The following SV2C variants were observed in gnomAD, a reference collection of about 807,000 sequenced individuals.
The protein encoded by SV2C is synaptic vesicle glycoprotein 2C, also known as solute carrier family 22 member B3.
SV2C carries 49 observed loss-of-function variants against 79.7 expected under a neutral mutation model. That is an observed-to-expected ratio of 0.61 (90% confidence interval 0.49 to 0.78). The LOEUF (loss-of-function observed/expected upper bound fraction) is 0.78. Ranked by LOEUF, SV2C falls within the 30% of genes least tolerant of loss-of-function variation. The probability of loss-of-function intolerance (pLI) is 0.00; values close to 1 mark genes in which losing one functional copy is unlikely to be tolerated. For synonymous variants in SV2C, 334 were observed against 333.2 expected (o/e 1.00, Z -0.03); for missense variants, 833 against 912.9 (o/e 0.91, Z 1.13).
chr5:76,069,363 G>C, the SV2C span, among the ~76,000 whole-genome samples: 1 of 152,142 alleles, frequency 6.6e-6, no homozygotes, highest in African/African-American at 2.4e-5. Flanking sequence ...AAGTGCTGGA[G>C]AGTGACCCTT....
chr5:75,943,628 T>C, the SV2C span, among the ~76,000 whole-genome samples: 1 of 152,170 alleles, frequency 6.6e-6, no homozygotes, highest in South Asian at 2.1e-4. Flanking sequence ...TTTTGAAACG[T>C]GAGCAATAAG....
At chr5:76,097,871 A>G (rs1345478155) in intron 1 of SV2C, among the ~76,000 whole-genome samples, 1 of 152,138 alleles carries the variant, frequency 6.6e-6, no homozygotes, top group Non-Finnish European at 1.5e-5. Flanking sequence ...CTCTGGCAGT[A>G]GTTGAGAGAG....
Position 76,328,573 on chromosome 5 carries a change from T to C in SV2C, c.*3026T>C, listed in dbSNP as rs574101133. The C allele has an allele frequency of 1.3e-5, 2 of 152,356 alleles. No homozygotes were observed. Among genetic ancestry groups the C allele is most frequent in the East Asian group, 1.9e-4 (1 of 5,192 alleles). The allele number at this position is 152,356 out of a possible 1,614,324, so 9.4% of individuals were successfully genotyped here. A position where few individuals can be genotyped will look rare whatever the true frequency, so the allele number is the denominator to read the frequency against. ...CCTTGGAGACGCGATAGATGGGTCC[T>C]AGCCTGACCTTCACCACTAAGCGGT... On this transcript the variant is annotated 3_prime_UTR_variant, in exon 13 of 13. Coordinates refer to ENST00000502798, the MANE Select transcript of SV2C (RefSeq NM_014979.4).
the SV2C span, among the ~76,000 whole-genome samples, chr5:75,903,386 AAAG>A: frequency 6.6e-6 from 1 of 151,722 alleles, no homozygotes; most frequent in African/African-American, 2.4e-5. Context: ...TTTAAAAAAA[AAAG>A]AAATTTATAT....
intron 4 of SV2C, chr5:76,281,218 A>G: frequency 1.9e-6 from 1 of 529,320 alleles, no homozygotes; most frequent in Non-Finnish European, 3.8e-6. Context: ...AGACAACAAC[A>G]GTGAAATTCA....
At chr5:76,193,930 C>T (rs1744184917) in intron 2 of SV2C, among the ~76,000 whole-genome samples, 1 of 152,180 alleles carries the variant, frequency 6.6e-6, no homozygotes, top group Admixed American at 6.5e-5. Flanking sequence ...CAAACAGATG[C>T]TCACTCAGTG....
the SV2C span, among the ~76,000 whole-genome samples, chr5:75,931,264 A>G: frequency 6.6e-6 from 1 of 152,218 alleles, no homozygotes. Flanking sequence ...ATTTGAAGGG[A>G]TGTGAGCCAT....
At chr5:76,031,561 C>T in the SV2C span, among the ~76,000 whole-genome samples, 4 of 152,198 alleles carry the variant, frequency 2.6e-5, no homozygotes, top group African/African-American at 7.2e-5. Context: ...TAAGAAATTG[C>T]ACTTCCTGAT....
intron 8 of SV2C, among the ~76,000 whole-genome samples, chr5:76,292,492 A>G (rs531095578): frequency 4.6e-5 from 7 of 152,226 alleles, no homozygotes; most frequent in South Asian, 4.1e-4. Flanking sequence ...TGCCTTGTTC[A>G]AAGCTGAGTG....
chr5:76,243,012 T>TAAAAAAAAAAAAAAAAAAAAAAA (rs559052290), intron 4 of SV2C, among the ~76,000 whole-genome samples: 13 of 49,926 alleles, frequency 2.6e-4, no homozygotes, highest in African/African-American at 6.0e-4. Flanking sequence ...AGACCCCATC[T>TAAAAAAAAAAAAAAAAAAAAAAA]AAAAAAAAAA....
the SV2C span, among the ~76,000 whole-genome samples, chr5:76,066,454 G>A: frequency 8.5e-6 from 1 of 117,618 alleles, no homozygotes; most frequent in Non-Finnish European, 1.8e-5. Flanking sequence ...GTCTTGGGGT[G>A]GGGGGAGGGG....
chr5:76,111,874 C>T (rs372852060), intron 1 of SV2C, among the ~76,000 whole-genome samples: 26 of 152,078 alleles, frequency 1.7e-4, no homozygotes, highest in Admixed American at 6.6e-4. Flanking sequence ...ACACTTGTCC[C>T]GGGAATGCTT....
intron 4 of SV2C, among the ~76,000 whole-genome samples, chr5:76,211,462 G>A (rs1272657685): frequency 1.1e-5 from 1 of 87,226 alleles, no homozygotes; most frequent in Non-Finnish European, 2.1e-5. Context: ...TGTTCTGGTT[G>A]CGTGTGTGTG....
intron 1 of SV2C, among the ~76,000 whole-genome samples, chr5:76,092,887 C>A (rs191692422): frequency 6.6e-6 from 1 of 152,038 alleles, no homozygotes; most frequent in Non-Finnish European, 1.5e-5. Context: ...CTCCTAGGCC[C>A]CTTGCAGCTC....
chr5:76,131,993 G>A lies in SV2C; in HGVS notation c.243G>A (p.Gly81=), dbSNP rs367731415. ...DDEGSSEATE[G]HDEDDEIYEG... is the part of the protein sequence containing the mutation. ...AAGGCTCAAGTGAAGCCACTGAGGG[G>A]CATGATGAAGATGATGAGATCTATG... Residue 81 remains glycine, a synonymous_variant, in exon 2 of 13, where the codon GGG becomes GGA. Coordinates refer to ENST00000502798, the MANE Select transcript of SV2C (RefSeq NM_014979.4). 1.1e-5 allele frequency: 18 copies of A among 1,613,730 alleles called. No homozygotes were observed. In the Admixed American group the frequency reaches 2.7e-4, roughly 24 times the overall value.
Position 76,295,770 on chromosome 5 carries a change from C to T in SV2C, c.1338-8C>T. 1.9e-6 allele frequency: 3 copies of T among 1,600,284 alleles called. No homozygotes were observed. The highest frequency in any genetic ancestry group is 2.2e-5 in the East Asian group (1 of 44,532). ...CCTTTACAAACTCACATTTCTTTGT[C>T]TTTGCAGGTACTATGGATTATCCGT... On this transcript the variant is annotated splice_polypyrimidine_tract_variant and splice_region_variant and intron_variant, in intron 8 of 12. Coordinates refer to ENST00000502798, the MANE Select transcript of SV2C (RefSeq NM_014979.4).
At chr5:76,264,259 C>A (rs541625666) in intron 4 of SV2C, among the ~76,000 whole-genome samples, 73 of 151,906 alleles carry the variant, frequency 4.8e-4, no homozygotes, top group African/African-American at 1.6e-3. Context: ...AGAAAGTTCT[C>A]CTGCTGTGTT....
At chr5:76,339,022 C>A (rs1040145889) in intron 12 of SV2C, among the ~76,000 whole-genome samples, 1 of 151,988 alleles carries the variant, frequency 6.6e-6, no homozygotes, top group Non-Finnish European at 1.5e-5. Flanking sequence ...CTGGAAGCTT[C>A]CGAGGCAGAC....
intron 4 of SV2C, among the ~76,000 whole-genome samples, chr5:76,232,779 T>C (rs1429661820): frequency 3.5e-5 from 5 of 143,356 alleles, no homozygotes; most frequent in East Asian, 3.9e-4. Context: ...GAGGGCTCTG[T>C]TCTGTTCCAT....
Sources: gnomAD v4.1 joint callset for allele counts (sites outside exome capture counted in the v4.1 genomes callset) on GRCh38, gnomAD v4.1.1 for gene constraint, MANE v1.5 for transcripts, NCBI Gene and HGNC (gene_info 2026-07-23, HGNC 2026-07-21) for gene names.